Variants in GALNT13 observed in about 807,000 individuals in gnomAD.
GALNT13 encodes the protein UDP-GalNAc:polypeptide N-acetylgalactosaminyltransferase 13.
GALNT13 carries 28 observed loss-of-function variants against 64.2 expected under a neutral mutation model. The ratio of observed to expected loss-of-function variants is 0.44; its 90% CI spans 0.32 to 0.60. GALNT13 has a LOEUF of 0.60. Ranked by LOEUF, GALNT13 falls within the 20% of genes least tolerant of loss-of-function variation. GALNT13 has a pLI of 0.05. For missense variants in GALNT13, 577 were observed against 669.8 expected (o/e 0.86, Z 1.53); for synonymous variants, 214 against 224.6 (o/e 0.95, Z 0.42).
chr2:153,691,909 T>G, the GALNT13 span, among the ~76,000 whole-genome samples: 4 of 152,048 alleles, frequency 2.6e-5, no homozygotes, highest in Non-Finnish European at 5.9e-5. Context: ...CTGATATTCT[T>G]AAAAAAACAT....
the GALNT13 span, among the ~76,000 whole-genome samples, chr2:153,090,735 C>T: frequency 6.6e-6 from 1 of 152,102 alleles, no homozygotes; most frequent in East Asian, 1.9e-4. Context: ...GAAATACCAT[C>T]AAGTGGGGGC....
chr2:154,445,161 A>G (rs1701501928), intron 12 of GALNT13, among the ~76,000 whole-genome samples: 2 of 151,926 alleles, frequency 1.3e-5, no homozygotes, highest in Non-Finnish European at 2.9e-5. Context: ...CTTCTGGGCT[A>G]TGGCTTTTTA....
At chr2:153,391,727 G>C in the GALNT13 span, among the ~76,000 whole-genome samples, 1 of 151,944 alleles carries the variant, frequency 6.6e-6, no homozygotes, top group Non-Finnish European at 1.5e-5. Context: ...AGAAATTCGA[G>C]AGGTGTTTTT....
intron 11 of GALNT13, among the ~76,000 whole-genome samples, chr2:154,434,352 C>T (rs1234018984): frequency 5.3e-5 from 8 of 152,126 alleles, no homozygotes; most frequent in Admixed American, 2.0e-4. Context: ...TTCCGCCTCC[C>T]GGGCTCACGC....
At chr2:153,770,372 C>G in the GALNT13 span, among the ~76,000 whole-genome samples, 1 of 152,090 alleles carries the variant, frequency 6.6e-6, no homozygotes, top group Non-Finnish European at 1.5e-5. Flanking sequence ...TTATAGATAG[C>G]CCTTTCATAG....
At chr2:153,456,921 A>G in the GALNT13 span, among the ~76,000 whole-genome samples, 2 of 152,206 alleles carry the variant, frequency 1.3e-5, no homozygotes, top group African/African-American at 2.4e-5. Context: ...GATCAGTTGT[A>G]AGGCATCAAA....
At chr2:154,247,197 T>C (rs1272320419) in intron 7 of GALNT13, among the ~76,000 whole-genome samples, 2 of 152,028 alleles carry the variant, frequency 1.3e-5, no homozygotes, top group Non-Finnish European at 2.9e-5. Flanking sequence ...TATAAAGTCA[T>C]GTAAGTTATC....
At chr2:154,434,131 C>T (rs1700825462) in intron 11 of GALNT13, among the ~76,000 whole-genome samples, 1 of 152,224 alleles carries the variant, frequency 6.6e-6, no homozygotes, top group South Asian at 2.1e-4. Context: ...GACTTCCAGC[C>T]TCCAAACCTG....
At chr2:154,055,668 T>A (rs1340225082) in intron 3 of GALNT13, among the ~76,000 whole-genome samples, 1 of 151,968 alleles carries the variant, frequency 6.6e-6, no homozygotes, top group Non-Finnish European at 1.5e-5. Flanking sequence ...GCCAAGGAGG[T>A]TCACTCTTAA....
At chr2:153,228,285 A>G in the GALNT13 span, among the ~76,000 whole-genome samples, 1 of 152,198 alleles carries the variant, frequency 6.6e-6, no homozygotes, top group African/African-American at 2.4e-5. Flanking sequence ...AGAAAGTCAT[A>G]TCTTAGATCC....
the GALNT13 span, among the ~76,000 whole-genome samples, chr2:153,765,069 G>A: frequency 1.3e-5 from 2 of 152,232 alleles, no homozygotes; most frequent in African/African-American, 4.8e-5. Context: ...TAGTCCTCAT[G>A]AAAAATCTTT....
chr2:154,090,450 A>G (rs1285774467), intron 3 of GALNT13, among the ~76,000 whole-genome samples: 1 of 152,072 alleles, frequency 6.6e-6, no homozygotes, highest in African/African-American at 2.4e-5. Context: ...AATTTATTTC[A>G]TAAATGTAAG....
intron 9 of GALNT13, among the ~76,000 whole-genome samples, chr2:154,394,247 A>G (rs1698954514): frequency 6.6e-6 from 1 of 152,124 alleles, no homozygotes; most frequent in Non-Finnish European, 1.5e-5. Context: ...TTAATGACCC[A>G]AGATCTGATT....
the GALNT13 span, among the ~76,000 whole-genome samples, chr2:153,408,786 T>C: frequency 6.6e-6 from 1 of 152,108 alleles, no homozygotes; most frequent in Non-Finnish European, 1.5e-5. Context: ...GTTAACTTTA[T>C]TGGGTTGAAG....
intron 9 of GALNT13, among the ~76,000 whole-genome samples, chr2:154,391,993 A>C (rs1698816394): frequency 6.6e-6 from 1 of 152,226 alleles, no homozygotes; most frequent in Non-Finnish European, 1.5e-5. Flanking sequence ...AGTAAAGAAC[A>C]ACTCATGAAA....
chr2:153,285,919 T>A, the GALNT13 span, among the ~76,000 whole-genome samples: 1 of 152,054 alleles, frequency 6.6e-6, no homozygotes, highest in Non-Finnish European at 1.5e-5. Flanking sequence ...GGAGTGAAAC[T>A]TAACATTATT....
the GALNT13 span, among the ~76,000 whole-genome samples, chr2:153,742,660 G>A: frequency 6.6e-6 from 1 of 152,040 alleles, no homozygotes; most frequent in East Asian, 1.9e-4. Flanking sequence ...ACTTATGTGA[G>A]AATGTGTGGT....
At chr2:153,240,044 T>G in the GALNT13 span, among the ~76,000 whole-genome samples, 1 of 152,218 alleles carries the variant, frequency 6.6e-6, no homozygotes, top group Non-Finnish European at 1.5e-5. Context: ...GGTTCAATCT[T>G]GGTAGGTTGG....
chr2:153,164,392 G>A, the GALNT13 span, among the ~76,000 whole-genome samples: 1 of 151,938 alleles, frequency 6.6e-6, no homozygotes, highest in Non-Finnish European at 1.5e-5. Context: ...TTTACTATAT[G>A]TTTTTTTGGG....
Sources: allele counts gnomAD v4.1 joint callset (sites outside exome capture counted in the v4.1 genomes callset), GRCh38; gene constraint gnomAD v4.1.1; transcripts MANE v1.5; gene names NCBI Gene and HGNC (gene_info 2026-07-23, HGNC 2026-07-21).